DDHD1: variants seen among roughly 807,000 people sequenced by gnomAD.
DDHD1 encodes the protein DDHD domain containing 1, also known as phospholipase DDHD1.
DDHD1 carries 49 observed loss-of-function variants against 96.4 expected under a neutral mutation model. The ratio of observed to expected loss-of-function variants is 0.51; its 90% confidence interval spans 0.40 to 0.64. The LOEUF (loss-of-function observed/expected upper bound fraction) is 0.64. Among genes scored for constraint, DDHD1 ranks in the 30% least tolerant of loss-of-function variants. The pLI is 0.00. For missense variants in DDHD1, 1,106 were observed against 1,161.2 expected (o/e 0.95, Z 0.69); for synonymous variants, 442 against 446.5 (o/e 0.99, Z 0.13).
chr14:53,066,889 C>A (rs570514595), intron 6 of DDHD1, among the ~76,000 whole-genome samples: 2 of 151,458 alleles, frequency 1.3e-5, no homozygotes, highest in South Asian at 4.2e-4. Flanking sequence ...ATCACTTGAG[C>A]CCAGAAGACA....
intron 1 of DDHD1, among the ~76,000 whole-genome samples, chr14:53,147,934 T>C (rs963058844): frequency 2.6e-5 from 4 of 152,112 alleles, no homozygotes; most frequent in Admixed American, 2.6e-4. Flanking sequence ...ATTGTTATTA[T>C]GAATAACACG....
chr14:53,049,657 C>CACACAGGGAAAAAAAAAAAAAA (rs1882360711), intron 12 of DDHD1, among the ~76,000 whole-genome samples: 1 of 84,720 alleles, frequency 1.2e-5, no homozygotes, highest in Non-Finnish European at 2.3e-5. Context: ...TGAGCTAGGT[C>CACACAGGGAAAAAAAAAAAAAA]AAAAAAAAAA....
chr14:53,091,957 T>G, intron 3 of DDHD1, 25 bp from the exon 4 acceptor site: 1 of 1,587,110 alleles, frequency 6.3e-7, no homozygotes, highest in Non-Finnish European at 8.6e-7. Context: ...TAATTCTAAG[T>G]TTACTATTTA....
chr14:53,096,567 C>G (rs547246929), intron 2 of DDHD1, among the ~76,000 whole-genome samples: 1 of 151,956 alleles, frequency 6.6e-6, no homozygotes, highest in Admixed American at 6.6e-5. Context: ...AGGTTATTTA[C>G]TCTCACCAAA....
Position 53,098,568 on chromosome 14 carries a change from G to A in DDHD1, c.1012+5115C>T, listed in dbSNP as rs1265542764. Among the ~76,000 whole-genome samples the A allele has an allele frequency of 2.6e-5, 4 of 151,920 alleles. No individual in the cohort carries two copies. In the East Asian group the frequency reaches 7.7e-4, roughly 29 times the overall value. ...CTGGCAATCTTTCTTGGACCTCAGA[G>A]AAATAAAGTTAGATAAATTTATAAA... On this transcript the variant is annotated intron_variant, in intron 2 of 12. Transcript: ENST00000673822.
Position 53,051,890 on chromosome 14 carries a change from T to C in DDHD1, c.2475A>G (p.Gln825=), listed in dbSNP as rs761282968. ...GCATTACATTTTCCGGAAAAAGAAG[T>C]TGTGGGAGATTAAAGAACGATTCTT... The part of the protein sequence containing the change: ...RLQESFFNLP[Q]LLFPENVMQN... The change falls in exon 12 of 13, where the codon CAA becomes CAG. Residue 825 remains glutamine (Q), a synonymous_variant. Transcript: ENST00000673822. 1.3e-5 allele frequency: 21 copies of C among 1,598,192 alleles called. No homozygotes were observed. In the Admixed American group the frequency reaches 2.8e-4, roughly 21 times the overall value.
chr14:53,129,926 C>G (rs151059631), intron 1 of DDHD1, among the ~76,000 whole-genome samples: 2 of 152,204 alleles, frequency 1.3e-5, no homozygotes, highest in Non-Finnish European at 2.9e-5. Flanking sequence ...AGGTGCCCGA[C>G]GTCCAGGCAT....
At position 53,062,930 on chromosome 14, in the gene DDHD1, G is replaced by A. The variant is rs750267799; in HGVS notation, c.1766+13C>T. 6 of 1,604,340 alleles carry A rather than the reference G, an allele frequency of 3.7e-6. No homozygotes were observed. The highest frequency in any genetic ancestry group is 1.3e-5 in the African/African-American group (1 of 74,688). Reference sequence around the variant, plus strand: ...GACATTTAAAAATTTTTCAAAAGATGAGGATATTTTACCGTCGTTTAGTTA... The same window carrying A: ...GACATTTAAAAATTTTTCAAAAGATAAGGATATTTTACCGTCGTTTAGTTA... On this transcript the variant is annotated intron_variant, in intron 7 of 12. Transcript: ENST00000673822.
At chr14:53,061,035 A>G (rs1196718492) in intron 8 of DDHD1, 91 bp downstream of exon 8, 7 of 1,136,058 alleles carry the variant, frequency 6.2e-6, no homozygotes, top group East Asian at 2.5e-5. Context: ...AAAGAACAAT[A>G]AACTTTCATT....
Position 53,045,405 on chromosome 14 carries a change from C to A in DDHD1, c.*1363G>T, listed in dbSNP as rs547367116. The A allele has an allele frequency of 6.6e-6, 1 of 152,170 alleles. No individual in the cohort carries two copies. The highest frequency in any genetic ancestry group is 2.4e-5 in the African/African-American group (1 of 41,506). 9.4% of individuals were successfully genotyped at this position (152,170 alleles called of 1,614,324 possible). A position where few individuals can be genotyped will look rare whatever the true frequency, so the allele number is the denominator to read the frequency against. On this transcript the variant is annotated 3_prime_UTR_variant, in exon 13 of 13. Coordinates refer to ENST00000673822, the MANE Select transcript of DDHD1 (RefSeq NM_001160148.2). ...AGTGGCTAATTTTTGTCAGTTTTTG[C>A]AGAGAAGAGGGTCTCACTATGTTGC...
At position 53,042,382 on chromosome 14, in the gene DDHD1, T is replaced by G. The variant is rs1881720368; in HGVS notation, c.*4386A>C. 6.6e-6 allele frequency: 1 copy of G among 152,176 alleles called. No individual in the cohort carries two copies. The highest frequency in any genetic ancestry group is 1.5e-5 in the Non-Finnish European group (1 of 68,022). 9.4% of individuals were successfully genotyped at this position (152,176 alleles called of 1,614,324 possible). On this transcript the variant is annotated 3_prime_UTR_variant, in exon 13 of 13. Transcript: ENST00000673822. Reference sequence around the variant, plus strand: ...TTTAAAATTCCATCATTAATATTTTTTTACTTTACCACTTCCCTCAGTTGT... The same window carrying G: ...TTTAAAATTCCATCATTAATATTTTGTTACTTTACCACTTCCCTCAGTTGT...
At chr14:53,104,237 C>T (rs1000340714) in intron 1 of DDHD1, among the ~76,000 whole-genome samples, 1 of 152,164 alleles carries the variant, frequency 6.6e-6, no homozygotes, top group Non-Finnish European at 1.5e-5. Context: ...GCTGCTGCGC[C>T]TGGCCCATTT....
At chr14:53,072,214 A>G (rs1884567234) in intron 6 of DDHD1, among the ~76,000 whole-genome samples, 1 of 152,092 alleles carries the variant, frequency 6.6e-6, no homozygotes, top group African/African-American at 2.4e-5. Context: ...CATCAGCTCC[A>G]CTACCATTTG....
chr14:53,073,860 A>G lies in DDHD1; in HGVS notation c.1290-13T>C, dbSNP rs778876100. On this transcript the variant is annotated splice_polypyrimidine_tract_variant and intron_variant, in intron 4 of 12. Transcript: ENST00000673822. ...AGCTTCTCTCATCCTAAAAAAACAAACAAACAAAAATGCAAACAAAGCTTT... is the reference window on the plus strand; with the variant it reads ...AGCTTCTCTCATCCTAAAAAAACAAGCAAACAAAAATGCAAACAAAGCTTT... 6.2e-7 allele frequency: 1 copy of G among 1,602,000 alleles called. No homozygotes were observed. The highest frequency in any genetic ancestry group is 8.5e-7 in the Non-Finnish European group (1 of 1,172,856).
chr14:53,103,794 C>T lies in DDHD1; in HGVS notation c.901G>A (p.Glu301Lys). ...TCAATTAAATTACTTTCTTCCTCTT[C>T]TAGAGGCTGCCAAGTGCCGTCAATA... ...WFIDGTWQPL[E>K]EEESNLIEQE... The change falls in exon 2 of 13, where the codon GAA (glutamate) becomes AAA (lysine). Residue 301 changes from glutamate (E) to lysine (K), a missense_variant. Glu to Lys is a moderately conservative substitution (Grantham distance 56). Coordinates refer to ENST00000673822, the MANE Select transcript of DDHD1 (RefSeq NM_001160148.2). The T allele has an allele frequency of 6.2e-7, 1 of 1,613,510 alleles. No homozygotes were observed. Among genetic ancestry groups the T allele is most frequent in the Non-Finnish European group, 8.5e-7 (1 of 1,179,836 alleles).
intron 1 of DDHD1, among the ~76,000 whole-genome samples, chr14:53,145,481 C>T (rs1890916037): frequency 8.4e-6 from 1 of 118,860 alleles, no homozygotes; most frequent in African/African-American, 3.5e-5. Context: ...CTGGCCTAAG[C>T]GACAGAACAA....
chr14:53,058,485 C>A lies in DDHD1; in HGVS notation c.1984G>T (p.Asp662Tyr). 6.2e-7 allele frequency: 1 copy of A among 1,610,642 alleles called. No individual in the cohort carries two copies. The highest frequency in any genetic ancestry group is 8.5e-7 in the Non-Finnish European group (1 of 1,179,102). ...TCTATATTGCAACTCACCACTGGATCTGTAGGATGAAAAATATTTAGTAAC... is the reference window on the plus strand; with the variant it reads ...TCTATATTGCAACTCACCACTGGATATGTAGGATGAAAAATATTTAGTAAC... ...NRLLNIFHPT[D>Y]PVAYRLEPLI... The change falls in exon 9 of 13, where the codon GAT (aspartate) becomes TAT (tyrosine). Residue 662 changes from aspartate to tyrosine, a missense_variant. This residue lies in a region of DDHD1 where 650 missense variants were observed against 758.8 expected (regional missense o/e 0.86). Transcript: ENST00000673822.
intron 12 of DDHD1, among the ~76,000 whole-genome samples, chr14:53,051,535 C>G (rs979656258): frequency 6.6e-6 from 1 of 151,856 alleles, no homozygotes; most frequent in Non-Finnish European, 1.5e-5. Flanking sequence ...AATAGCAAAC[C>G]TCTTTGGAGC....
rs780193677 is a variant in DDHD1 at position 53,039,950 on chromosome 14, C to T, written c.*6818G>A. The T allele has an allele frequency of 3.3e-5, 5 of 152,274 alleles. No individual in the cohort carries two copies. The highest frequency in any genetic ancestry group is 7.2e-5 in the African/African-American group (3 of 41,442). 9.4% of individuals were successfully genotyped at this position (152,274 alleles called of 1,614,324 possible). ...ACAGTCCATACGTACACTGTCCCATCTCAATTCTACATGTAGTCCTTATAG... is the reference window on the plus strand; with the variant it reads ...ACAGTCCATACGTACACTGTCCCATTTCAATTCTACATGTAGTCCTTATAG... On this transcript the variant is annotated 3_prime_UTR_variant, in exon 13 of 13. Transcript: ENST00000673822.
Sources: gnomAD v4.1 joint callset for allele counts (sites outside exome capture counted in the v4.1 genomes callset) on GRCh38, gnomAD v4.1.1 for gene constraint, gnomAD v4.1.1 regional missense constraint, MANE v1.5 for transcripts, NCBI Gene and HGNC (gene_info 2026-07-23, HGNC 2026-07-21) for gene names.